IL2RA: variants seen among roughly 807,000 people sequenced by gnomAD.
IL2RA encodes the protein interleukin-2 receptor subunit alpha.
IL2RA carries 24 observed loss-of-function variants against 37.8 expected under a neutral mutation model. The observed-to-expected ratio is 0.63, with a 90% CI of 0.46 to 0.89. The LOEUF (loss-of-function observed/expected upper bound fraction) is 0.89, where lower values mean the gene tolerates loss of function less well. Among genes scored for constraint, IL2RA ranks in the 40% least tolerant of loss-of-function variants. The probability of loss-of-function intolerance (pLI) is 0.00; values close to 1 mark genes in which losing one functional copy is unlikely to be tolerated. For synonymous variants in IL2RA, 125 were observed against 114.6 expected (o/e 1.09, Z -0.58); for missense variants, 319 against 348.6 (o/e 0.92, Z 0.68).
rs143550766 is a variant in IL2RA, at chr10:6,018,090, C to T, written c.757G>A (p.Val253Ile). Residue 253 changes from valine to isoleucine, a missense_variant, in exon 7 of 8, where the codon GTC becomes ATC. By Grantham distance (29) the Val-to-Ile change is conservative. Coordinates refer to ENST00000379959, the MANE Select transcript of IL2RA (RefSeq NM_000417.3). The surrounding 1 kb of genome is among the most constrained non-coding windows in gnomAD (Gnocchi z 5.1). ...VAGCVFLLIS[V>I]LLLSGLTWQR... ...CAGGTGAGCCCACTCAGGAGGAGGA[C>T]GCTGATCAGCAGGAAAACACAGCCG... is the stretch of plus-strand genomic sequence containing the variant. 569 of 1,613,918 alleles carry T rather than the reference C, an allele frequency of 3.5e-4. 1 individual carries two copies. In the Middle Eastern group the frequency reaches 4.3e-3, roughly 12 times the overall value.
Position 6,012,520 on chromosome 10 carries a change from T to G in IL2RA, c.*352A>C. ...GGAATGAGATGAATGTAAACCTACT[T>G]TTCTTTATACTACATATAGGGTGGA... On this transcript the variant is annotated 3_prime_UTR_variant, in exon 8 of 8. Coordinates refer to ENST00000379959, the MANE Select transcript of IL2RA (RefSeq NM_000417.3). This position sits in a 1 kb window ranked among gnomAD's most constrained non-coding sequence, Gnocchi z 4.8. The G allele has an allele frequency of 2.8e-6, 1 of 358,864 alleles. No homozygotes were observed. Among genetic ancestry groups the G allele is most frequent in the Non-Finnish European group, 5.2e-6 (1 of 191,326 alleles). The allele number at this position is 358,864 out of a possible 1,614,324, so 22.2% of individuals were successfully genotyped here. A position where few individuals can be genotyped will look rare whatever the true frequency, so the allele number is the denominator to read the frequency against.
intron 3 of IL2RA, among the ~76,000 whole-genome samples, chr10:6,023,929 G>T (rs879832699): frequency 3.9e-5 from 6 of 152,192 alleles, no homozygotes; most frequent in Admixed American, 3.3e-4. Flanking sequence ...CTATCAGCAG[G>T]GCCTGGCACA....
In IL2RA at chr10:6,061,342, C is replaced by T. The variant is rs562867625; in HGVS notation, c.64+746G>A. On this transcript the variant is annotated intron_variant, in intron 1 of 7. Transcript: ENST00000379959. ...CGAAGGTTGCAGTAAGCCAATATCG[C>T]GCCACTGCACTCCAGTCTGGCTGAC... 1.5e-4 allele frequency among the ~76,000 whole-genome samples: 23 copies of T among 151,832 alleles called. No homozygotes were observed. In the East Asian group the frequency reaches 1.5e-3, roughly 10 times the overall value.
rs1285394454 is a variant in IL2RA at position 6,058,485 on chromosome 10, G to A, written c.64+3603C>T. 6.6e-6 allele frequency among the ~76,000 whole-genome samples: 1 copy of A among 152,182 alleles called. No individual in the cohort carries two copies. The highest frequency in any genetic ancestry group is 1.5e-5 in the Non-Finnish European group (1 of 68,034). On this transcript the variant is annotated intron_variant, in intron 1 of 7. Coordinates refer to ENST00000379959, the MANE Select transcript of IL2RA (RefSeq NM_000417.3). This position sits in a 1 kb window ranked among gnomAD's most constrained non-coding sequence, Gnocchi z 4.2. ...CCCTTACAGCCTCAAGACATGTCTT[G>A]AAGATGAATGAAGTAACAGTAGCAA...
Position 6,047,666 on chromosome 10 carries a change from TATATA to T in IL2RA, c.64+14417_64+14421del, listed in dbSNP as rs1839887039. On this transcript the variant is annotated intron_variant, in intron 1 of 7. Coordinates refer to ENST00000379959, the MANE Select transcript of IL2RA (RefSeq NM_000417.3). This position sits in a 1 kb window ranked among gnomAD's most constrained non-coding sequence, Gnocchi z 5.0. Reference sequence around the variant, plus strand: ...ATACAATAAAGTATATAAATATAAATATATAATAAATGAAATATATAAAATACCAT... The same window carrying T: ...ATACAATAAAGTATATAAATATAAATATAAATGAAATATATAAAATACCAT... Among the ~76,000 whole-genome samples the T allele has an allele frequency of 6.7e-6, 1 of 148,356 alleles. No homozygotes were observed. The highest frequency in any genetic ancestry group is 1.5e-5 in the Non-Finnish European group (1 of 66,406).
rs935214628 is a variant in IL2RA at position 6,018,424 on chromosome 10, A to G, written c.728-305T>C. 2.0e-5 allele frequency among the ~76,000 whole-genome samples: 3 copies of G among 152,148 alleles called. No homozygotes were observed. In the East Asian group the frequency reaches 5.8e-4, roughly 29 times the overall value. Reference sequence around the variant, plus strand: ...TTAAGGACACCGAGAGCGCCTGGTAAAAGAAATGTTGAAATATGAAGATGA... The same window carrying G: ...TTAAGGACACCGAGAGCGCCTGGTAGAAGAAATGTTGAAATATGAAGATGA... On this transcript the variant is annotated intron_variant, in intron 6 of 7. Transcript: ENST00000379959. This position sits in a 1 kb window ranked among gnomAD's most constrained non-coding sequence, Gnocchi z 5.1.
At position 6,021,566 on chromosome 10, in the gene IL2RA, C is replaced by T. The variant is rs776347887; in HGVS notation, c.495G>A (p.Glu165=). ...GYRALHRGPA[E]SVCKMTHGKT... ...TCCCGTGGGTCATTTTGCAGACGCT[C>T]TCAGCAGGACCTCTGTGTAGAGCCC... The change falls in exon 4 of 8, where the codon GAG becomes GAA. Residue 165 remains glutamate (E), a synonymous_variant. Coordinates refer to ENST00000379959, the MANE Select transcript of IL2RA (RefSeq NM_000417.3). This position sits in a 1 kb window ranked among gnomAD's most constrained non-coding sequence, Gnocchi z 4.9. The T allele has an allele frequency of 1.9e-6, 3 of 1,614,082 alleles. No homozygotes were observed. The highest frequency in any genetic ancestry group is 1.3e-5 in the African/African-American group (1 of 74,998).
At chr10:6,051,415 C>T (rs956558408) in intron 1 of IL2RA, among the ~76,000 whole-genome samples, 7 of 151,494 alleles carry the variant, frequency 4.6e-5, no homozygotes, top group South Asian at 4.2e-4. Context: ...TACTTGGTGA[C>T]GTAATAAACT....
chr10:6,026,014 C>G lies in IL2RA; in HGVS notation c.76G>C (p.Asp26His), dbSNP rs55868253. 8.4e-4 allele frequency: 1,348 copies of G among 1,612,860 alleles called. No individual in the cohort carries two copies. The highest frequency in any genetic ancestry group is 1.0e-3 in the Non-Finnish European group (1,232 of 1,180,012). Residue 26 changes from aspartate (D) to histidine (H), a missense_variant, in exon 2 of 8, where the codon GAT becomes CAT. Coordinates refer to ENST00000379959, the MANE Select transcript of IL2RA (RefSeq NM_000417.3). ...GCGTGTGGGATCTCTGGCGGGTCAT[C>G]GTCACAGAGCTCTGCAAAGCAAAAG... ...VPGCQAELCD[D>H]DPPEIPHATF...
intron 1 of IL2RA, among the ~76,000 whole-genome samples, chr10:6,043,371 G>C (rs1040783418): frequency 2.6e-5 from 4 of 152,178 alleles, no homozygotes; most frequent in Admixed American, 6.5e-5. Flanking sequence ...GGGGAAGAAT[G>C]AGATTGGGTT....
chr10:6,051,817 CTATATATATATATA>C lies in IL2RA; in HGVS notation c.64+10257_64+10270del, dbSNP rs61008683. Reference sequence around the variant, plus strand: ...TACAGACGTGAGCCATCATGCCCAGCTATATATATATATATATATATATATAGAATTTTTTAAGG... The same window carrying C: ...TACAGACGTGAGCCATCATGCCCAGCTATATATATATAGAATTTTTTAAGG... On this transcript the variant is annotated intron_variant, in intron 1 of 7. Coordinates refer to ENST00000379959, the MANE Select transcript of IL2RA (RefSeq NM_000417.3). Among the ~76,000 whole-genome samples the C allele has an allele frequency of 5.9e-4, 20 of 33,684 alleles. 1 individual carries two copies. The South Asian group carries it at 0.012, about 21-fold the overall frequency. 22.1% of individuals were successfully genotyped at this position (33,684 alleles called of 152,430 possible).
intron 1 of IL2RA, among the ~76,000 whole-genome samples, chr10:6,049,192 T>C (rs762666567): frequency 6.6e-6 from 1 of 152,208 alleles, no homozygotes; most frequent in Non-Finnish European, 1.5e-5. Context: ...GGCCCTGCTG[T>C]AAGTCCCAGA....
chr10:6,030,180 A>T (rs1031159556), intron 1 of IL2RA, among the ~76,000 whole-genome samples: 1 of 152,244 alleles, frequency 6.6e-6, no homozygotes, highest in African/African-American at 2.4e-5. Flanking sequence ...CCTACATTTA[A>T]TTGAATTCCC....
rs1472314293 is a variant in IL2RA, at chr10:6,042,493, T to C, written c.65-16468A>G. Among the ~76,000 whole-genome samples the C allele has an allele frequency of 1.3e-4, 20 of 152,158 alleles. 1 individual carries two copies. The highest frequency in any genetic ancestry group is 1.3e-3 in the Admixed American group (20 of 15,274). ...ATATACAATTCCTGCTTTTATTCTA[T>C]ACTGTATTGAACACCCCAGCTAATG... On this transcript the variant is annotated intron_variant, in intron 1 of 7. Transcript: ENST00000379959.
chr10:6,042,148 C>CAAAAAAAAAAAAAAAAAAAAACAAAAAAA (rs57093239), intron 1 of IL2RA, among the ~76,000 whole-genome samples: 1 of 54,132 alleles, frequency 1.8e-5, no homozygotes, highest in African/African-American at 7.6e-5. Context: ...ATGTATTAAG[C>CAAAAAAAAAAAAAAAAAAAAACAAAAAAA]AAAAAAAAAA....
At chr10:6,051,598 C>A (rs1839960010) in intron 1 of IL2RA, among the ~76,000 whole-genome samples, 1 of 145,364 alleles carries the variant, frequency 6.9e-6, no homozygotes, top group Admixed American at 6.8e-5. Context: ...CGGCTCACTG[C>A]AACCTCAGCC....
At chr10:6,037,608 A>G (rs976258625) in intron 1 of IL2RA, among the ~76,000 whole-genome samples, 1 of 152,206 alleles carries the variant, frequency 6.6e-6, no homozygotes, top group Non-Finnish European at 1.5e-5. Context: ...GCCACTGGGT[A>G]AAGAGGGATC....
chr10:6,043,318 G>A (rs1459239944), intron 1 of IL2RA, among the ~76,000 whole-genome samples: 2 of 152,200 alleles, frequency 1.3e-5, no homozygotes, highest in African/African-American at 2.4e-5. Flanking sequence ...AGTGTATATT[G>A]CATCATGAGA....
At chr10:6,023,935 G>A (rs1265529707) in intron 3 of IL2RA, among the ~76,000 whole-genome samples, 1 of 152,228 alleles carries the variant, frequency 6.6e-6, no homozygotes, top group Non-Finnish European at 1.5e-5. Flanking sequence ...GCAGGGCCTG[G>A]CACACAGACC....
Sources: allele counts gnomAD v4.1 joint callset (sites outside exome capture counted in the v4.1 genomes callset), GRCh38; gene constraint gnomAD v4.1.1; non-coding constraint Gnocchi (gnomAD v3.1); transcripts MANE v1.5; gene names NCBI Gene and HGNC (gene_info 2026-07-23, HGNC 2026-07-21).